HUWE1: variants seen among roughly 807,000 people sequenced by gnomAD.
The protein encoded by HUWE1 is E3 ubiquitin-protein ligase HUWE1.
HUWE1 carries 18 observed loss-of-function variants against 299.4 expected under a neutral mutation model. The ratio of observed to expected loss-of-function variants is 0.06; its 90% CI spans 0.04 to 0.09. The LOEUF is 0.09. Among genes scored for constraint, HUWE1 ranks in the 10% least tolerant of loss-of-function variants. HUWE1 has a pLI of 1.00. For missense variants in HUWE1, 1,832 were observed against 3,462.3 expected (o/e 0.53, Z 11.82); for synonymous variants, 1,317 against 1,286.1 (o/e 1.02, Z -0.51).
In HUWE1 at chrX:53,575,699, G is replaced by C; in HGVS notation, c.5974C>G (p.Arg1992Gly). 5 of 1,210,316 alleles carry C rather than the reference G, an allele frequency of 4.1e-6. No homozygotes were observed. Among genetic ancestry groups the C allele is most frequent in the Non-Finnish European group, 5.6e-6 (5 of 894,064 alleles). The change falls in exon 45 of 84, where the codon CGG becomes GGG. Residue 1992 changes from arginine (R) to glycine (G), a missense_variant. By Grantham distance (125) the Arg-to-Gly change is moderately radical. Transcript: ENST00000262854. ...DMGDDVYQQY[R>G]SLTRQSSDFD... The stretch of plus-strand genomic sequence containing the variant: ...TCACTGCTCTGACGCGTAAGTGACC[G>C]GTACTGCTGGTATACATCATCACCC...
In HUWE1 at chrX:53,538,824, G is replaced by T; in HGVS notation, c.11878+11C>A. ...GCCTTCTACACCTGGCAGCCTAAAA[G>T]TTCCCTGTACCTGCAAAGCGAAGGA... On this transcript the variant is annotated intron_variant, in intron 76 of 83. Coordinates refer to ENST00000262854, the MANE Select transcript of HUWE1 (RefSeq NM_031407.7). 1 of 1,200,881 alleles carries T rather than the reference G, an allele frequency of 8.3e-7. No individual in the cohort carries two copies.
chrX:53,580,440 C>T (rs933002146), intron 43 of HUWE1, among the ~76,000 whole-genome samples: 3 of 112,328 alleles, frequency 2.7e-5, no homozygotes, highest in Non-Finnish European at 5.6e-5. Flanking sequence ...TAATTAAATA[C>T]AGGTCAAACA....
Position 53,564,562 on chromosome X carries a change from C to T in HUWE1, c.7029+12G>A. 8.3e-7 allele frequency: 1 copy of T among 1,209,580 alleles called. No individual in the cohort carries two copies. Among genetic ancestry groups the T allele is most frequent in the Non-Finnish European group, 1.1e-6 (1 of 895,312 alleles). ...CCGCAACAGGGAAATGCTGGGTGAT[C>T]TGCCTCCCTACCTGCATCTCTTGTG... On this transcript the variant is annotated intron_variant, in intron 51 of 83. Coordinates refer to ENST00000262854, the MANE Select transcript of HUWE1 (RefSeq NM_031407.7).
At chrX:53,607,800 T>C (rs2065226776) in intron 24 of HUWE1, 101 bp from the exon 25 acceptor site, 4 of 550,340 alleles carry the variant, frequency 7.3e-6, no homozygotes, top group African/African-American at 6.8e-5. Context: ...ATGATATTAG[T>C]GTTTTCTATA....
At chrX:53,585,377 G>A (rs1471404733) in intron 39 of HUWE1, among the ~76,000 whole-genome samples, 189 bp from the exon 40 acceptor site, 2 of 112,230 alleles carry the variant, frequency 1.8e-5, no homozygotes, top group African/African-American at 6.5e-5. Context: ...TCTGCTACAC[G>A]CTTAAAAACA....
chrX:53,591,255 C>A, intron 33 of HUWE1, 133 bp from the exon 34 acceptor site: 2 of 693,937 alleles, frequency 2.9e-6, no homozygotes, highest in East Asian at 3.6e-5. Flanking sequence ...TGAGCTAGGG[C>A]AATTAGGTAA....
chrX:53,665,626 GA>G (rs2069214073), intron 3 of HUWE1, among the ~76,000 whole-genome samples: 1 of 112,283 alleles, frequency 8.9e-6, no homozygotes, highest in Admixed American at 9.5e-5. Flanking sequence ...GGCATCAGAA[GA>G]ACTAGGCAAC....
intron 60 of HUWE1, among the ~76,000 whole-genome samples, chrX:53,555,636 CTTTT>C (rs1175050260): frequency 5.3e-5 from 4 of 75,267 alleles, no homozygotes; most frequent in Non-Finnish European, 1.0e-4. Context: ...CCTTCAAAAT[CTTTT>C]TTTTTTTTTT....
chrX:53,666,834 AC>A (rs1557047789), intron 3 of HUWE1, among the ~76,000 whole-genome samples: 11 of 111,997 alleles, frequency 9.8e-5, no homozygotes. Flanking sequence ...GCATTCCTGT[AC>A]CAGCATATGA....
chrX:53,589,434 A>G, intron 36 of HUWE1, 113 bp downstream of exon 36: 6 of 691,263 alleles, frequency 8.7e-6, no homozygotes, highest in Non-Finnish European at 1.4e-5. Context: ...CAAATAGAGA[A>G]TATACCCATA....
intron 7 of HUWE1, among the ~76,000 whole-genome samples, chrX:53,642,707 G>A (rs1557032200): frequency 8.9e-6 from 1 of 112,253 alleles, no homozygotes; most frequent in Non-Finnish European, 1.9e-5. Context: ...TTACAAAGCT[G>A]TACCTTGTTT....
intron 16 of HUWE1, 55 bp downstream of exon 16, chrX:53,627,684 T>C (rs2066611025): frequency 7.4e-6 from 8 of 1,087,544 alleles, no homozygotes; most frequent in Admixed American, 2.2e-5. Context: ...GGACAATCCT[T>C]AGGTTCAGCT....
chrX:53,648,397 C>G (rs913591625), intron 4 of HUWE1, 87 bp from the exon 5 acceptor site: 4 of 545,194 alleles, frequency 7.3e-6, no homozygotes, highest in Non-Finnish European at 9.5e-6. Flanking sequence ...CTTAAGCTCA[C>G]ACAGCAATTT....
intron 3 of HUWE1, among the ~76,000 whole-genome samples, chrX:53,664,272 G>A (rs1429534424): frequency 1.8e-5 from 2 of 111,429 alleles, no homozygotes; most frequent in African/African-American, 6.5e-5. Flanking sequence ...GGGTGGTCTC[G>A]AAGTCCTGAG....
At chrX:53,587,528 T>C (rs1415845834) in intron 37 of HUWE1, among the ~76,000 whole-genome samples, 16 of 112,298 alleles carry the variant, frequency 1.4e-4, no homozygotes, top group Non-Finnish European at 1.9e-5. Context: ...ATTGCTTAAA[T>C]GAACAGGAAA....
chrX:53,537,262 G>A lies in HUWE1; in HGVS notation c.12137+294C>T, dbSNP rs2234474. 965 of 344,968 alleles carry A rather than the reference G, an allele frequency of 2.8e-3. 5 individuals carry two copies. The highest frequency in any genetic ancestry group is 0.023 in the African/African-American group (886 of 38,306). The allele number at this position is 344,968 out of a possible 1,213,427, so 28.4% of individuals were successfully genotyped here. A position where few individuals can be genotyped will look rare whatever the true frequency, so the allele number is the denominator to read the frequency against. On this transcript the variant is annotated intron_variant, in intron 78 of 83. Coordinates refer to ENST00000262854, the MANE Select transcript of HUWE1 (RefSeq NM_031407.7). ...GGCCACTCATACATGGTCATTCCTA[G>A]TATAGCAATATTAAAGCTCTCATTG...
chrX:53,600,292 C>T lies in HUWE1; in HGVS notation c.2989G>A (p.Ala997Thr), dbSNP rs782406823. The change falls in exon 29 of 84, where the codon GCA becomes ACA. Residue 997 changes from alanine (A) to threonine (T), a missense_variant. Physicochemically the swap from Ala to Thr is moderately conservative, Grantham distance 58. Transcript: ENST00000262854. ...GTAGAAGCATCCATACTTCCAGCTG[C>T]TCCATCCTGTTCCCCATCTACAGAT... ...GKRSDGEQDG[A>T]AGSMDASTQG... The T allele has an allele frequency of 8.3e-7, 1 of 1,205,779 alleles. No homozygotes were observed. The highest frequency in any genetic ancestry group is 2.2e-5 in the Admixed American group (1 of 45,831).
At chrX:53,655,871 C>T (rs2068719514) in intron 3 of HUWE1, among the ~76,000 whole-genome samples, 1 of 111,635 alleles carries the variant, frequency 9.0e-6, no homozygotes. Context: ...CAACATACTG[C>T]TGAAAGTTCT....
At chrX:53,537,176 A>C (rs1326026009) in intron 78 of HUWE1, 3 of 256,583 alleles carry the variant, frequency 1.2e-5, no homozygotes, top group Non-Finnish European at 1.4e-5. Flanking sequence ...CAGTATTACA[A>C]ACTGCTGATC....
Sources: gnomAD v4.1 joint callset for allele counts (sites outside exome capture counted in the v4.1 genomes callset) on GRCh38, gnomAD v4.1.1 for gene constraint, MANE v1.5 for transcripts, NCBI Gene and HGNC (gene_info 2026-07-23, HGNC 2026-07-21) for gene names.